LYPLAL1: variants seen among roughly 807,000 people sequenced by gnomAD.
The protein encoded by LYPLAL1 is lysophospholipase like 1.
LYPLAL1 carries 23 observed loss-of-function variants against 19.7 expected under a neutral mutation model. The ratio of observed to expected loss-of-function variants is 1.17; its 90% CI spans 0.84 to 1.65. LYPLAL1 has a LOEUF of 1.65. Among genes scored for constraint, LYPLAL1 ranks in the 40% most tolerant of loss-of-function variants. The pLI, the probability that LYPLAL1 is intolerant of heterozygous loss-of-function variation, is 0.00. For synonymous variants in LYPLAL1, 119 were observed against 96.3 expected, an observed-to-expected ratio of 1.24 and a Z score of -1.38; for missense variants, 355 against 279.4, an observed-to-expected ratio of 1.27 and a Z score of -1.93.
chr1:219,180,683 A>G (rs1558220375), intron 2 of LYPLAL1, among the ~76,000 whole-genome samples: 1 of 152,212 alleles, frequency 6.6e-6, no homozygotes, highest in African/African-American at 2.4e-5. Flanking sequence ...AGATAAGTTC[A>G]TTTCTACCTA....
At chr1:219,348,278 AGG>A in the LYPLAL1 span, among the ~76,000 whole-genome samples, 1 of 152,316 alleles carries the variant, frequency 6.6e-6, no homozygotes, top group Non-Finnish European at 1.5e-5. Context: ...GCAGAGACTG[AGG>A]GCAGGGCAGG....
At chr1:219,418,908 G>A in the LYPLAL1 span, among the ~76,000 whole-genome samples, 3 of 152,164 alleles carry the variant, frequency 2.0e-5, no homozygotes, top group African/African-American at 4.8e-5. Flanking sequence ...ACAGCATGGA[G>A]CCTTTTCAAA....
the LYPLAL1 span, among the ~76,000 whole-genome samples, chr1:219,394,615 A>G: frequency 6.6e-6 from 1 of 152,134 alleles, no homozygotes; most frequent in Admixed American, 6.5e-5. Context: ...TATTTCATTT[A>G]GTATAATGTT....
chr1:219,270,743 TTG>T, the LYPLAL1 span: 1 of 152,228 alleles, frequency 6.6e-6, no homozygotes, highest in Non-Finnish European at 1.5e-5. Flanking sequence ...AGGCTGCTCT[TTG>T]TTAGAAAAGA....
At chr1:219,300,283 T>G in the LYPLAL1 span, among the ~76,000 whole-genome samples, 1 of 152,258 alleles carries the variant, frequency 6.6e-6, no homozygotes, top group South Asian at 2.1e-4. Flanking sequence ...GTGCCTGGCC[T>G]ATATTCAGTA....
At chr1:219,230,735 G>A in the LYPLAL1 span, among the ~76,000 whole-genome samples, 1 of 152,156 alleles carries the variant, frequency 6.6e-6, no homozygotes, top group African/African-American at 2.4e-5. Context: ...TTATCTAAAT[G>A]CTCAGTGAAT....
intron 2 of LYPLAL1, among the ~76,000 whole-genome samples, chr1:219,188,912 AC>A (rs998954201): frequency 6.6e-6 from 1 of 151,726 alleles, no homozygotes; most frequent in African/African-American, 2.4e-5. Context: ...TAAAAAACAA[AC>A]TTTTATATTT....
the LYPLAL1 span, among the ~76,000 whole-genome samples, chr1:219,328,454 C>T: frequency 6.6e-6 from 1 of 152,066 alleles, no homozygotes; most frequent in African/African-American, 2.4e-5. Flanking sequence ...CTCTTTGTGC[C>T]CACCATTATC....
chr1:219,334,063 T>C, the LYPLAL1 span, among the ~76,000 whole-genome samples: 73 of 152,164 alleles, frequency 4.8e-4, no homozygotes, highest in Admixed American at 9.8e-4. Context: ...GCCTTCCTTG[T>C]TTATTCAGTT....
the LYPLAL1 span, among the ~76,000 whole-genome samples, chr1:219,291,053 C>T: frequency 6.6e-6 from 1 of 152,152 alleles, no homozygotes; most frequent in African/African-American, 2.4e-5. Flanking sequence ...TAATAGCACC[C>T]ACTTCAAGGA....
chr1:219,243,023 G>A, the LYPLAL1 span, among the ~76,000 whole-genome samples: 1 of 152,102 alleles, frequency 6.6e-6, no homozygotes, highest in African/African-American at 2.4e-5. Flanking sequence ...TCCGAAACAG[G>A]GGAAAGAATG....
Position 219,211,781 on chromosome 1 carries a change from T to C in LYPLAL1, c.*53T>C. ...AGTGTAATGTCTTTGTGAAAAGTGA[T>C]TTTTACTGCCAAATTATAATGATAA... On this transcript the variant is annotated 3_prime_UTR_variant, in exon 5 of 5. Coordinates refer to ENST00000366928, the MANE Select transcript of LYPLAL1 (RefSeq NM_138794.5). 1 of 1,121,054 alleles carries C rather than the reference T, an allele frequency of 8.9e-7. No individual in the cohort carries two copies. The highest frequency in any genetic ancestry group is 1.3e-6 in the Non-Finnish European group (1 of 785,806). The allele number at this position is 1,121,054 out of a possible 1,614,324, so 69.4% of individuals were successfully genotyped here.
the LYPLAL1 span, among the ~76,000 whole-genome samples, chr1:219,238,616 T>C: frequency 6.6e-6 from 1 of 152,132 alleles, no homozygotes; most frequent in East Asian, 1.9e-4. Flanking sequence ...AGCCTTTGTT[T>C]AGCTTCTGGG....
the LYPLAL1 span, among the ~76,000 whole-genome samples, chr1:219,221,950 T>C: frequency 1.3e-5 from 2 of 152,160 alleles, no homozygotes; most frequent in African/African-American, 4.8e-5. Flanking sequence ...CCTTCCCCAC[T>C]ATGATCTCTG....
chr1:219,204,904 A>G (rs1658428740), intron 3 of LYPLAL1, among the ~76,000 whole-genome samples: 1 of 152,136 alleles, frequency 6.6e-6, no homozygotes, highest in South Asian at 2.1e-4. Flanking sequence ...AATGATATGA[A>G]TAGATTTATC....
chr1:219,208,439 C>T (rs748396992), intron 3 of LYPLAL1, among the ~76,000 whole-genome samples: 3 of 151,960 alleles, frequency 2.0e-5, no homozygotes, highest in Non-Finnish European at 4.4e-5. Context: ...TTAATGTTGT[C>T]TCTTTGATAA....
At chr1:219,424,998 CA>C in the LYPLAL1 span, among the ~76,000 whole-genome samples, 1 of 152,138 alleles carries the variant, frequency 6.6e-6, no homozygotes, top group African/African-American at 2.4e-5. Context: ...CTTAACCGTT[CA>C]AACTACAATA....
chr1:219,199,534 C>A (rs977030504), intron 3 of LYPLAL1, among the ~76,000 whole-genome samples: 20 of 151,878 alleles, frequency 1.3e-4, no homozygotes, highest in African/African-American at 4.8e-4. Flanking sequence ...CCTCCACCTC[C>A]TGGGTTCAAG....
At chr1:219,444,103 A>C in the LYPLAL1 span, among the ~76,000 whole-genome samples, 2 of 152,188 alleles carry the variant, frequency 1.3e-5, no homozygotes, top group African/African-American at 2.4e-5. Flanking sequence ...TAAGGAAATT[A>C]CATTGAACTT....
Sources: gnomAD v4.1 joint callset for allele counts (sites outside exome capture counted in the v4.1 genomes callset) on GRCh38, gnomAD v4.1.1 for gene constraint, MANE v1.5 for transcripts, NCBI Gene and HGNC (gene_info 2026-07-23, HGNC 2026-07-21) for gene names.